CSMD1: variants seen among roughly 807,000 people sequenced by gnomAD.
CSMD1 encodes CUB and Sushi multiple domains 1.
In CSMD1, 213 loss-of-function variants were observed where a neutral mutation model predicts 417.5. The observed-to-expected ratio is 0.51, with a 90% confidence interval of 0.46 to 0.57. CSMD1 has a LOEUF of 0.57. Among genes scored for constraint, CSMD1 ranks in the 20% least tolerant of loss-of-function variants. The pLI is 0.00. For missense variants in CSMD1, 6,923 were observed against 4,529.7 expected, an observed-to-expected ratio of 1.53 and a Z score of -15.17; for synonymous variants, 2,862 against 1,736.8, an observed-to-expected ratio of 1.65 and a Z score of -16.11.
rs192699398 is a variant in CSMD1 at position 4,078,118 on chromosome 8, A to C, written c.416-46019T>G. 4.7e-3 allele frequency among the ~76,000 whole-genome samples: 717 copies of C among 152,314 alleles called. 7 individuals are homozygous for C. Among genetic ancestry groups the C allele is most frequent in the South Asian group, 0.028 (133 of 4,830 alleles). ...AGAAATCTTCAAATAATTTACATGGAAAGTGCTATAATGAACTTTAAAATC... is the reference window on the plus strand; with the variant it reads ...AGAAATCTTCAAATAATTTACATGGCAAGTGCTATAATGAACTTTAAAATC... On this transcript the variant is annotated intron_variant, in intron 3 of 69. Coordinates refer to ENST00000635120, the MANE Select transcript of CSMD1 (RefSeq NM_033225.6).
At chr8:3,652,197 G>A (rs1372490017) in intron 7 of CSMD1, among the ~76,000 whole-genome samples, 4 of 146,940 alleles carry the variant, frequency 2.7e-5, no homozygotes, top group African/African-American at 1.0e-4. Flanking sequence ...ACCACCTTCA[G>A]CGGGCCTACC....
chr8:3,970,794 C>A (rs778084067), intron 5 of CSMD1, among the ~76,000 whole-genome samples: 9 of 151,894 alleles, frequency 5.9e-5, no homozygotes, highest in South Asian at 2.1e-4. Context: ...CTCTTGTTAC[C>A]CAGGCTGGAG....
At chr8:3,609,772 G>C (rs1438217133) in intron 8 of CSMD1, among the ~76,000 whole-genome samples, 2 of 142,816 alleles carry the variant, frequency 1.4e-5, no homozygotes, top group Non-Finnish European at 3.0e-5. Flanking sequence ...TTTCATTAAA[G>C]AGAGTCTCAA....
intron 49 of CSMD1, among the ~76,000 whole-genome samples, chr8:3,062,437 C>T (rs1017946010): frequency 3.3e-5 from 5 of 151,944 alleles, no homozygotes; most frequent in Non-Finnish European, 5.9e-5. Context: ...AATATTCTTC[C>T]GTTTGTTTGA....
At chr8:4,237,642 A>G (rs2656277) in intron 3 of CSMD1, among the ~76,000 whole-genome samples, 77,900 of 151,560 alleles carry the variant, frequency 0.51, 20,453 homozygotes, top group South Asian at 0.74. Flanking sequence ...CACCCTTTCT[A>G]GTAGCTGAGA....
At chr8:4,320,541 A>T (rs1799213503) in intron 3 of CSMD1, among the ~76,000 whole-genome samples, 1 of 151,612 alleles carries the variant, frequency 6.6e-6, no homozygotes, top group Non-Finnish European at 1.5e-5. Context: ...CCAGTGGGTG[A>T]TGTTCCCCTC....
chr8:4,333,929 T>C (rs915491201), intron 3 of CSMD1, among the ~76,000 whole-genome samples: 2 of 152,148 alleles, frequency 1.3e-5, no homozygotes, highest in Non-Finnish European at 2.9e-5. Context: ...TCTCACTCTG[T>C]CATCCAGACT....
intron 1 of CSMD1, among the ~76,000 whole-genome samples, chr8:4,820,199 G>C (rs554185569): frequency 1.2e-4 from 19 of 152,076 alleles, no homozygotes; most frequent in African/African-American, 4.6e-4. Context: ...TCCTCTCTTG[G>C]CCTGGACAGA....
rs1477048942 is a variant in CSMD1 at position 2,935,805 on chromosome 8, C to CT, written c.*2779dup. On this transcript the variant is annotated 3_prime_UTR_variant, in exon 70 of 70. Transcript: ENST00000635120. The stretch of plus-strand genomic sequence containing the variant: ...TTTTTTTACCCCCTTTTTATAATAG[C>CT]TTTTTGTTGTTGTTTACAAAATATT... 1 of 152,082 alleles carries CT rather than the reference C, an allele frequency of 6.6e-6. No individual in the cohort carries two copies. The highest frequency in any genetic ancestry group is 1.5e-5 in the Non-Finnish European group (1 of 68,006). 9.4% of individuals were successfully genotyped at this position (152,082 alleles called of 1,614,324 possible).
intron 4 of CSMD1, among the ~76,000 whole-genome samples, chr8:4,009,802 C>G (rs568587415): frequency 1.4e-4 from 22 of 152,164 alleles, no homozygotes; most frequent in African/African-American, 5.1e-4. Context: ...CCTGCTCCAT[C>G]CCCCTCCCTC....
intron 1 of CSMD1, among the ~76,000 whole-genome samples, chr8:4,725,713 T>A (rs761262828): frequency 5.3e-5 from 8 of 152,162 alleles, no homozygotes; most frequent in Non-Finnish European, 1.2e-4. Context: ...TCCCCATTTA[T>A]CTCAGATAAC....
At chr8:4,126,507 G>C (rs1032198593) in intron 3 of CSMD1, among the ~76,000 whole-genome samples, 1 of 152,190 alleles carries the variant, frequency 6.6e-6, no homozygotes, top group South Asian at 2.1e-4. Flanking sequence ...ACTGGAAGCA[G>C]GAGGTCTCCC....
intron 2 of CSMD1, among the ~76,000 whole-genome samples, chr8:4,606,493 T>C (rs752219470): frequency 2.8e-4 from 43 of 152,184 alleles, no homozygotes; most frequent in Non-Finnish European, 5.3e-4. Context: ...CCTTTACCAC[T>C]CTTGGTTCTG....
At chr8:4,858,797 T>C (rs1801957552) in intron 1 of CSMD1, among the ~76,000 whole-genome samples, 1 of 142,324 alleles carries the variant, frequency 7.0e-6, no homozygotes, top group Non-Finnish European at 1.5e-5. Context: ...CATTCCACGC[T>C]CATGGGTAGG....
intron 7 of CSMD1, among the ~76,000 whole-genome samples, chr8:3,666,036 C>T (rs1021186998): frequency 6.6e-6 from 1 of 152,160 alleles, no homozygotes; most frequent in Non-Finnish European, 1.5e-5. Flanking sequence ...GGTGGGATTA[C>T]AGGTGCCCAA....
chr8:3,197,124 G>C (rs1016579467), intron 33 of CSMD1, among the ~76,000 whole-genome samples: 3 of 152,194 alleles, frequency 2.0e-5, no homozygotes, highest in Non-Finnish European at 4.4e-5. Context: ...TGCTTCAGAA[G>C]TTCAGAAAGA....
intron 52 of CSMD1, among the ~76,000 whole-genome samples, chr8:3,005,396 G>C (rs1482643201): frequency 3.9e-5 from 6 of 152,146 alleles, no homozygotes; most frequent in African/African-American, 1.4e-4. Flanking sequence ...AATAGAAAAA[G>C]ACGGAATCCT....
At chr8:3,442,613 C>G (rs1360979864) in intron 12 of CSMD1, among the ~76,000 whole-genome samples, 1 of 152,152 alleles carries the variant, frequency 6.6e-6, no homozygotes, top group African/African-American at 2.4e-5. Context: ...GCAGGCTATA[C>G]AATCTGGGTT....
chr8:4,588,547 C>A (rs1376447872), intron 2 of CSMD1, among the ~76,000 whole-genome samples: 1 of 151,792 alleles, frequency 6.6e-6, no homozygotes, highest in South Asian at 2.1e-4. Context: ...GTAATCCCAG[C>A]CCTTTCGGAG....
Sources: gnomAD v4.1 joint callset for allele counts (sites outside exome capture counted in the v4.1 genomes callset) on GRCh38, gnomAD v4.1.1 for gene constraint, MANE v1.5 for transcripts, NCBI Gene and HGNC (gene_info 2026-07-23, HGNC 2026-07-21) for gene names.